The following MAGI2 variants were observed in gnomAD, a reference collection of about 807,000 sequenced individuals.
MAGI2 encodes membrane associated guanylate kinase, WW and PDZ domain containing 2.
Under a neutral mutation model 133.3 loss-of-function variants are expected in MAGI2, and 35 were observed. The observed-to-expected ratio is 0.26, with a 90% confidence interval of 0.20 to 0.35. MAGI2 has a LOEUF of 0.35. Among genes scored for constraint, MAGI2 ranks in the 10% least tolerant of loss-of-function variants. The pLI, the probability that MAGI2 is intolerant of heterozygous loss-of-function variation, is 1.00. For synonymous variants in MAGI2, 729 were observed against 710.6 expected (o/e 1.03, Z -0.41); for missense variants, 1,636 against 1,863.4 (o/e 0.88, Z 2.25).
chr7:78,596,001 G>A (rs1487278848), intron 3 of MAGI2, among the ~76,000 whole-genome samples: 1 of 152,120 alleles, frequency 6.6e-6, no homozygotes, highest in Non-Finnish European at 1.5e-5. Context: ...GATCAAAATT[G>A]AGAATTTTCC....
chr7:78,090,475 G>A (rs181149746), intron 20 of MAGI2, among the ~76,000 whole-genome samples: 2 of 152,248 alleles, frequency 1.3e-5, no homozygotes, highest in East Asian at 1.9e-4. Flanking sequence ...AGGTGAGGGT[G>A]TATGGGAGAC....
chr7:78,876,342 A>T (rs1795421622), intron 2 of MAGI2, among the ~76,000 whole-genome samples: 1 of 148,492 alleles, frequency 6.7e-6, no homozygotes, highest in Admixed American at 6.7e-5. Flanking sequence ...AAAAAAAAAA[A>T]TTGGAACAAC....
chr7:78,721,992 A>T, intron 2 of MAGI2, among the ~76,000 whole-genome samples: 1 of 151,594 alleles, frequency 6.6e-6, no homozygotes, highest in Non-Finnish European at 1.5e-5. Flanking sequence ...TGAGAGCAAA[A>T]TATTATAGAA....
intron 9 of MAGI2, among the ~76,000 whole-genome samples, chr7:78,294,633 A>G (rs1797046880): frequency 6.6e-6 from 1 of 152,064 alleles, no homozygotes; most frequent in African/African-American, 2.4e-5. Context: ...TTAACTTACT[A>G]GTAGTGCACT....
chr7:78,764,679 C>T (rs1824834796), intron 2 of MAGI2, among the ~76,000 whole-genome samples: 1 of 152,166 alleles, frequency 6.6e-6, no homozygotes, highest in Non-Finnish European at 1.5e-5. Flanking sequence ...TTATTAAAAT[C>T]TGTACAGCCA....
At position 79,377,648 on chromosome 7, in the gene MAGI2, T is replaced by G. The variant is rs77756997; in HGVS notation, c.301+75372A>C. ...CAGCCAAAAAGCTTCAAGGGCAAAC[T>G]AAAGTAAAATTTGAACCAATGTAAC... On this transcript the variant is annotated intron_variant, in intron 1 of 21. Coordinates refer to ENST00000354212, the MANE Select transcript of MAGI2 (RefSeq NM_012301.4). Among the ~76,000 whole-genome samples, 1,287 of 151,890 alleles carry G rather than the reference T, an allele frequency of 8.5e-3. 12 individuals carry two copies. The highest frequency in any genetic ancestry group is 0.03 in the African/African-American group (1,235 of 41,452).
chr7:78,426,867 G>A (rs887934217), intron 6 of MAGI2, among the ~76,000 whole-genome samples: 3 of 152,086 alleles, frequency 2.0e-5, no homozygotes, highest in African/African-American at 7.2e-5. Context: ...GAGAAATTTT[G>A]AAAGCAGCCA....
chr7:79,016,728 C>T (rs1436313133), intron 1 of MAGI2, among the ~76,000 whole-genome samples: 2 of 152,184 alleles, frequency 1.3e-5, no homozygotes, highest in Admixed American at 6.5e-5. Context: ...GCTGCCATTG[C>T]TATTGGAGCA....
chr7:78,055,614 T>C (rs1301925516), intron 21 of MAGI2, among the ~76,000 whole-genome samples: 2 of 152,170 alleles, frequency 1.3e-5, no homozygotes, highest in Admixed American at 6.5e-5. Flanking sequence ...TCCTTTTCTA[T>C]ACATGCAGTT....
chr7:78,094,963 C>T (rs149895745), intron 20 of MAGI2, among the ~76,000 whole-genome samples: 95 of 152,216 alleles, frequency 6.2e-4, no homozygotes, highest in Middle Eastern at 3.4e-3. Flanking sequence ...TTTCTTTATC[C>T]CTCCAGTCAT....
chr7:79,174,499 A>AATG (rs1825912922), intron 1 of MAGI2, among the ~76,000 whole-genome samples: 1 of 151,956 alleles, frequency 6.6e-6, no homozygotes, highest in Non-Finnish European at 1.5e-5. Context: ...TTACAACAAA[A>AATG]TACCTTTAAT....
intron 1 of MAGI2, among the ~76,000 whole-genome samples, chr7:79,049,355 A>C (rs1812470807): frequency 6.6e-6 from 1 of 152,218 alleles, no homozygotes; most frequent in Admixed American, 6.5e-5. Context: ...TAATAATGTG[A>C]CAAATGTGAT....
intron 2 of MAGI2, among the ~76,000 whole-genome samples, chr7:78,855,831 C>T (rs1167974306): frequency 6.6e-6 from 1 of 152,226 alleles, no homozygotes; most frequent in East Asian, 1.9e-4. Flanking sequence ...AATCGCCACA[C>T]TGTCTTCCAC....
At chr7:78,090,706 G>A (rs1405278409) in intron 20 of MAGI2, among the ~76,000 whole-genome samples, 1 of 152,212 alleles carries the variant, frequency 6.6e-6, no homozygotes, top group Non-Finnish European at 1.5e-5. Flanking sequence ...CAAAAAAAAT[G>A]TATTGAGGTA....
intron 4 of MAGI2, among the ~76,000 whole-genome samples, chr7:78,511,834 G>A (rs1795608898): frequency 6.6e-6 from 1 of 151,522 alleles, no homozygotes; most frequent in Non-Finnish European, 1.5e-5. Context: ...AGTGGCTCAT[G>A]CCTGTAATCC....
At chr7:78,565,629 T>G (rs1800868996) in intron 3 of MAGI2, among the ~76,000 whole-genome samples, 2 of 152,158 alleles carry the variant, frequency 1.3e-5, no homozygotes, top group Admixed American at 1.3e-4. Context: ...AACATTTGCT[T>G]TTCGTTTTCT....
chr7:79,382,283 G>A (rs996846472), intron 1 of MAGI2, among the ~76,000 whole-genome samples: 4 of 151,658 alleles, frequency 2.6e-5, no homozygotes, highest in African/African-American at 7.3e-5. Context: ...TATAGTTCAA[G>A]TTCACTATTG....
chr7:78,087,857 G>A (rs559822711), intron 20 of MAGI2, among the ~76,000 whole-genome samples: 100 of 152,320 alleles, frequency 6.6e-4, no homozygotes, highest in African/African-American at 2.2e-3. Context: ...AGACAAGCTG[G>A]TTGGAGCAAA....
At chr7:79,401,378 C>T (rs1361867688) in intron 1 of MAGI2, among the ~76,000 whole-genome samples, 1 of 152,210 alleles carries the variant, frequency 6.6e-6, no homozygotes, top group African/African-American at 2.4e-5. Context: ...TTCTCTCATT[C>T]TGGCAATATC....
Sources: gnomAD v4.1 joint callset for allele counts (sites outside exome capture counted in the v4.1 genomes callset) on GRCh38, gnomAD v4.1.1 for gene constraint, MANE v1.5 for transcripts, NCBI Gene and HGNC (gene_info 2026-07-23, HGNC 2026-07-21) for gene names.